Variants in SEPSECS observed in about 807,000 individuals in gnomAD.
SEPSECS encodes Sep (O-phosphoserine) tRNA:Sec (selenocysteine) tRNA synthase.
Under a neutral mutation model 52.1 loss-of-function variants are expected in SEPSECS, and 42 were observed. That is an observed-to-expected ratio of 0.81 (90% CI 0.63 to 1.04). The LOEUF (loss-of-function observed/expected upper bound fraction) is 1.04, where lower values mean the gene tolerates loss of function less well. Among genes scored for constraint, SEPSECS ranks in the 50% least tolerant of loss-of-function variants. The pLI, the probability that SEPSECS is intolerant of heterozygous loss-of-function variation, is 0.00. For missense variants in SEPSECS, 590 were observed against 610.6 expected, an observed-to-expected ratio of 0.97 and a Z score of 0.36; for synonymous variants, 216 against 211.4, an observed-to-expected ratio of 1.02 and a Z score of -0.19.
intron 8 of SEPSECS, among the ~76,000 whole-genome samples, chr4:25,137,364 CA>C (rs2109014311): frequency 6.6e-6 from 1 of 152,024 alleles, no homozygotes; most frequent in African/African-American, 2.4e-5. Context: ...AACAAATTTA[CA>C]AGAAAAAAAA....
intron 9 of SEPSECS, 116 bp from the exon 10 acceptor site, chr4:25,125,900 T>A: frequency 1.4e-6 from 1 of 731,980 alleles, no homozygotes; most frequent in Non-Finnish European, 2.5e-6. Context: ...AGTGGCACAA[T>A]TTCACTTTAA....
rs956889300 is a variant in SEPSECS at position 25,122,296 on chromosome 4, CAT to C, written c.*1633_*1634del. ...AGTGGCCATAGGCGTCTACCTTACACATGTCTGACCTCATGTTTACAAACAGT... is the reference window on the plus strand; with the variant it reads ...AGTGGCCATAGGCGTCTACCTTACACGTCTGACCTCATGTTTACAAACAGT... On this transcript the variant is annotated 3_prime_UTR_variant, in exon 11 of 11. Coordinates refer to ENST00000382103, the MANE Select transcript of SEPSECS (RefSeq NM_016955.4). 26 of 152,272 alleles carry C rather than the reference CAT, an allele frequency of 1.7e-4. No homozygotes were observed. The highest frequency in any genetic ancestry group is 4.1e-4 in the African/African-American group (17 of 41,572). 9.4% of individuals were successfully genotyped at this position (152,272 alleles called of 1,614,324 possible).
intron 8 of SEPSECS, among the ~76,000 whole-genome samples, chr4:25,131,700 A>T (rs1303870137): frequency 6.6e-6 from 1 of 152,206 alleles, no homozygotes; most frequent in Non-Finnish European, 1.5e-5. Flanking sequence ...AAGGACACTG[A>T]AGTGTATGAT....
At chr4:25,152,833 A>G (rs1712386043) in intron 5 of SEPSECS, among the ~76,000 whole-genome samples, 1 of 151,976 alleles carries the variant, frequency 6.6e-6, no homozygotes, top group South Asian at 2.1e-4. Flanking sequence ...CTATGAAACT[A>G]AAACTAAATC....
chr4:25,121,716 G>C lies in SEPSECS; in HGVS notation c.*2215C>G, dbSNP rs1407740839. On this transcript the variant is annotated 3_prime_UTR_variant, in exon 11 of 11. Transcript: ENST00000382103. Reference sequence around the variant, plus strand: ...ATTCCAAAACCACTGAAAAAGAAAGGGTTAATAATAAAAACCACAGCTGAT... The same window carrying C: ...ATTCCAAAACCACTGAAAAAGAAAGCGTTAATAATAAAAACCACAGCTGAT... 6.6e-6 allele frequency: 1 copy of C among 151,912 alleles called. No individual in the cohort carries two copies. The highest frequency in any genetic ancestry group is 1.5e-5 in the Non-Finnish European group (1 of 67,952). 9.4% of individuals were successfully genotyped at this position (151,912 alleles called of 1,614,324 possible). A position where few individuals can be genotyped will look rare whatever the true frequency, so the allele number is the denominator to read the frequency against.
chr4:25,159,343 T>C (rs1407597694), intron 1 of SEPSECS, among the ~76,000 whole-genome samples: 1 of 151,000 alleles, frequency 6.6e-6, no homozygotes, highest in Non-Finnish European at 1.5e-5. Context: ...TGAGGTTTAC[T>C]GAGATATTTA....
Position 25,160,423 on chromosome 4 carries a change from A to T in SEPSECS, c.-54T>A. 7.0e-7 allele frequency: 1 copy of T among 1,433,514 alleles called. No individual in the cohort carries two copies. 88.8% of individuals were successfully genotyped at this position (1,433,514 alleles called of 1,614,324 possible). ...CGGGAGCACTAGCTCCACACGCCAG[A>T]CACACGACGGAACCAGAATGCAACT... On this transcript the variant is annotated 5_prime_UTR_variant, in exon 1 of 11. Coordinates refer to ENST00000382103, the MANE Select transcript of SEPSECS (RefSeq NM_016955.4).
At chr4:25,126,354 C>T (rs965660763) in intron 9 of SEPSECS, among the ~76,000 whole-genome samples, 2 of 152,058 alleles carry the variant, frequency 1.3e-5, no homozygotes, top group African/African-American at 4.8e-5. Context: ...ATTCGGAATT[C>T]AAGCTACACA....
chr4:25,151,777 C>T (rs760411160), intron 6 of SEPSECS, among the ~76,000 whole-genome samples, 183 bp downstream of exon 6: 9 of 152,130 alleles, frequency 5.9e-5, no homozygotes, highest in African/African-American at 1.9e-4. Context: ...CCAATTATCA[C>T]CACAGTATCA....
chr4:25,138,324 C>T (rs1728925101), intron 8 of SEPSECS, among the ~76,000 whole-genome samples: 1 of 151,602 alleles, frequency 6.6e-6, no homozygotes. Flanking sequence ...TAATATATTC[C>T]ATTTATTTAG....
At chr4:25,130,732 T>C (rs1253941326) in intron 8 of SEPSECS, among the ~76,000 whole-genome samples, 3 of 152,182 alleles carry the variant, frequency 2.0e-5, no homozygotes, top group African/African-American at 4.8e-5. Flanking sequence ...CTCCTATTAA[T>C]ATTACTACAT....
At chr4:25,127,170 T>C (rs376640465) in intron 9 of SEPSECS, 94 bp downstream of exon 9, 3 of 762,000 alleles carry the variant, frequency 3.9e-6, no homozygotes, top group Admixed American at 4.8e-5. Context: ...AATATCATTA[T>C]AACTAGAAAG....
In SEPSECS at chr4:25,155,133, A is replaced by G. The variant is rs1712546077; in HGVS notation, c.566T>C (p.Ile189Thr). 1 of 1,614,140 alleles carries G rather than the reference A, an allele frequency of 6.2e-7. No individual in the cohort carries two copies. The highest frequency in any genetic ancestry group is 8.5e-7 in the Non-Finnish European group (1 of 1,180,010). Residue 189 changes from isoleucine to threonine, a missense_variant, in exon 5 of 11, where the codon ATA becomes ACA. Physicochemically the swap from Ile to Thr is moderately conservative, Grantham distance 89. Transcript: ENST00000382103. ...MITAGFEPVVIENVLEGDELR... is the reference protein window; with the variant it reads ...MITAGFEPVVTENVLEGDELR... ...CTCGTCACCTTCCAAAACATTTTCT[A>G]TCACCACAGGCTCAAAACCTAACCA... is the stretch of plus-strand genomic sequence containing the variant.
intron 6 of SEPSECS, 72 bp from the exon 7 acceptor site, chr4:25,145,205 A>G: frequency 2.0e-6 from 3 of 1,476,554 alleles, no homozygotes; most frequent in Non-Finnish European, 2.8e-6. Flanking sequence ...CAAATACCAC[A>G]ACAAAAAATT....
At chr4:25,139,845 T>C (rs1221372730) in intron 8 of SEPSECS, among the ~76,000 whole-genome samples, 1 of 152,104 alleles carries the variant, frequency 6.6e-6, no homozygotes, top group Admixed American at 6.6e-5. Context: ...CTTAATGATA[T>C]AAGGGCTTAA....
chr4:25,154,326 T>C (rs1198291931), intron 5 of SEPSECS, among the ~76,000 whole-genome samples: 1 of 152,102 alleles, frequency 6.6e-6, no homozygotes, highest in Non-Finnish European at 1.5e-5. Flanking sequence ...ATATAGTGCT[T>C]ACAAATTATT....
intron 5 of SEPSECS, among the ~76,000 whole-genome samples, chr4:25,154,762 C>T (rs552524661): frequency 2.0e-5 from 3 of 152,212 alleles, no homozygotes; most frequent in East Asian, 1.9e-4. Flanking sequence ...CGGTCTGCAT[C>T]GACTCAGGTG....
intron 6 of SEPSECS, among the ~76,000 whole-genome samples, chr4:25,150,134 C>G (rs1464355937): frequency 6.6e-6 from 1 of 152,058 alleles, no homozygotes; most frequent in Non-Finnish European, 1.5e-5. Flanking sequence ...TATTAGTATA[C>G]TAAAAATAAT....
At chr4:25,140,287 A>G (rs1729008206) in intron 8 of SEPSECS, among the ~76,000 whole-genome samples, 1 of 152,234 alleles carries the variant, frequency 6.6e-6, no homozygotes. Flanking sequence ...CAAGCAAACA[A>G]CATATATCCT....
Sources: gnomAD v4.1 joint callset for allele counts (sites outside exome capture counted in the v4.1 genomes callset) on GRCh38, gnomAD v4.1.1 for gene constraint, MANE v1.5 for transcripts, NCBI Gene and HGNC (gene_info 2026-07-23, HGNC 2026-07-21) for gene names.